The following STX11 variants were observed in gnomAD, a reference collection of about 807,000 sequenced individuals.
STX11 encodes the protein syntaxin-11.
A neutral mutation model predicts 19.9 loss-of-function variants in STX11; 21 were observed. The ratio of observed to expected loss-of-function variants is 1.06; its 90% CI spans 0.75 to 1.52. The LOEUF (loss-of-function observed/expected upper bound fraction) is 1.52, where lower values mean the gene tolerates loss of function less well. Ranked by LOEUF, STX11 falls within the 40% of genes most tolerant of loss-of-function variation. The probability of loss-of-function intolerance (pLI) is 0.00; values close to 1 mark genes in which losing one functional copy is unlikely to be tolerated. For missense variants in STX11, 438 were observed against 405.9 expected, an observed-to-expected ratio of 1.08 and a Z score of -0.68; for synonymous variants, 193 against 174.4, an observed-to-expected ratio of 1.11 and a Z score of -0.84.
chr6:144,155,423 T>G lies in STX11; in HGVS notation c.-6+4720T>G, dbSNP rs1269891130. On this transcript the variant is annotated intron_variant, in intron 1 of 1. Coordinates refer to ENST00000367568, the MANE Select transcript of STX11 (RefSeq NM_003764.4). This position sits in a 1 kb window ranked among gnomAD's most constrained non-coding sequence, Gnocchi z 4.5. The stretch of plus-strand genomic sequence containing the variant: ...TCCACACATGCATTGAATGTTTTGT[T>G]CAGCATTTCTTCAGATTCATTGGGA... 6.6e-6 allele frequency among the ~76,000 whole-genome samples: 1 copy of G among 152,204 alleles called. No homozygotes were observed. Among genetic ancestry groups the G allele is most frequent in the South Asian group, 2.1e-4 (1 of 4,834 alleles).
intron 1 of STX11, among the ~76,000 whole-genome samples, 165 bp downstream of exon 1, chr6:144,150,868 C>G (rs1404243394): frequency 2.0e-5 from 3 of 152,186 alleles, no homozygotes; most frequent in Admixed American, 2.0e-4. Context: ...CACGCCGCCT[C>G]TGGGCACCTT....
chr6:144,149,538 G>A (rs1239661850), upstream of STX11, among the ~76,000 whole-genome samples: 1 of 152,078 alleles, frequency 6.6e-6, no homozygotes, highest in Non-Finnish European at 1.5e-5. This position sits in a 1 kb window ranked among gnomAD's most constrained non-coding sequence, Gnocchi z 5.1. Context: ...GTACAGTGGC[G>A]CGATCTCGGC....
rs562463156 is a variant in STX11, at chr6:144,155,948, T to G, written c.-6+5245T>G. On this transcript the variant is annotated intron_variant, in intron 1 of 1. Transcript: ENST00000367568. The surrounding 1 kb of genome is among the most constrained non-coding windows in gnomAD (Gnocchi z 4.5). ...ATGTGTTTTAAAATTTAATCTTTCT[T>G]TCTTTCTTTCTTTCTTTCTTTCTTT... Among the ~76,000 whole-genome samples, 1 of 26,456 alleles carries G rather than the reference T, an allele frequency of 3.8e-5. No homozygotes were observed. Among genetic ancestry groups the G allele is most frequent in the Non-Finnish European group, 7.4e-5 (1 of 13,436 alleles). 17.4% of individuals were successfully genotyped at this position (26,456 alleles called of 152,430 possible).
Position 144,184,712 on chromosome 6 carries a change from CT to C in STX11, c.-5-1910del, listed in dbSNP as rs1801984825. On this transcript the variant is annotated intron_variant, in intron 1 of 1. Transcript: ENST00000367568. This position sits in a 1 kb window ranked among gnomAD's most constrained non-coding sequence, Gnocchi z 6.5. ...TAATGGCAGTACCTACTCATAGAATCTGTATGAAGACTAAAGAGGGTATCAC... is the reference window on the plus strand; with the variant it reads ...TAATGGCAGTACCTACTCATAGAATCGTATGAAGACTAAAGAGGGTATCAC... Among the ~76,000 whole-genome samples, 1 of 152,124 alleles carries C rather than the reference CT, an allele frequency of 6.6e-6. No individual in the cohort carries two copies. Among genetic ancestry groups the C allele is most frequent in the East Asian group, 1.9e-4 (1 of 5,192 alleles).
rs1359476619 is a variant in STX11 at position 144,191,112 on chromosome 6, AGCT to A, written c.*3623_*3625del. On this transcript the variant is annotated 3_prime_UTR_variant, in exon 2 of 2. Coordinates refer to ENST00000367568, the MANE Select transcript of STX11 (RefSeq NM_003764.4). ...CACAAAGAACAATAGATCCTTCAGG[AGCT>A]GAAGGTAAGAATCTTTTATAGCTAT... Among the ~76,000 whole-genome samples, 3 of 151,750 alleles carry A rather than the reference AGCT, an allele frequency of 2.0e-5. No individual in the cohort carries two copies. The highest frequency in any genetic ancestry group is 4.4e-5 in the Non-Finnish European group (3 of 67,972).
chr6:144,144,057 G>C, the STX11 span, among the ~76,000 whole-genome samples: 2 of 152,280 alleles, frequency 1.3e-5, no homozygotes, highest in African/African-American at 2.4e-5. Context: ...GGCTGTATCA[G>C]GGCCTTCAAC....
In STX11 at chr6:144,162,846, G is replaced by A. The variant is rs1189506292; in HGVS notation, c.-6+12143G>A. On this transcript the variant is annotated intron_variant, in intron 1 of 1. Transcript: ENST00000367568. The surrounding 1 kb of genome is among the most constrained non-coding windows in gnomAD (Gnocchi z 4.6). ...ATCTTCTTGTTGATATTCATAGAAA[G>A]TGTGTATGTTTACCAACATGAGTGA... 1.3e-5 allele frequency among the ~76,000 whole-genome samples: 2 copies of A among 152,180 alleles called. No individual in the cohort carries two copies. Among genetic ancestry groups the A allele is most frequent in the African/African-American group, 4.8e-5 (2 of 41,426 alleles).
chr6:144,161,204 G>T (rs1280863110), intron 1 of STX11, among the ~76,000 whole-genome samples: 2 of 152,142 alleles, frequency 1.3e-5, no homozygotes, highest in Non-Finnish European at 2.9e-5. Context: ...AAGCAATGAT[G>T]GCAGAATGGA....
intron 1 of STX11, among the ~76,000 whole-genome samples, chr6:144,186,047 CTTT>C (rs1158962460): frequency 1.4e-5 from 2 of 140,952 alleles, no homozygotes; most frequent in Admixed American, 6.8e-5. Flanking sequence ...CTTTCTTCTT[CTTT>C]TTTCTTTTTT....
At chr6:144,148,447 CTTTCT>C (rs1800918667), upstream of STX11, among the ~76,000 whole-genome samples, 1 of 152,184 alleles carries the variant, frequency 6.6e-6, no homozygotes, top group Non-Finnish European at 1.5e-5. Flanking sequence ...TCTTATTTTA[CTTTCT>C]TTTAAAATAA....
intron 1 of STX11, among the ~76,000 whole-genome samples, chr6:144,166,722 C>T (rs539308591): frequency 1.0e-3 from 154 of 152,070 alleles, no homozygotes; most frequent in African/African-American, 3.7e-3. Flanking sequence ...CCCGGGATTT[C>T]ACCACGTTGG....
In STX11 at chr6:144,182,823, G is replaced by A. The variant is rs2208736; in HGVS notation, c.-5-3800G>A. Among the ~76,000 whole-genome samples, 11,625 of 152,128 alleles carry A rather than the reference G, an allele frequency of 0.076. 1,494 individuals carry two copies. The highest frequency in any genetic ancestry group is 0.26 in the African/African-American group (10,971 of 41,416). On this transcript the variant is annotated intron_variant, in intron 1 of 1. Transcript: ENST00000367568. This position sits in a 1 kb window ranked among gnomAD's most constrained non-coding sequence, Gnocchi z 4.8. Reference sequence around the variant, plus strand: ...GTGCCTTGTAAGGCTTGGCCAACATGTAAGGAAGGAAGGCATCTCTCACCT... The same window carrying A: ...GTGCCTTGTAAGGCTTGGCCAACATATAAGGAAGGAAGGCATCTCTCACCT...
rs886061139 is a variant in STX11, at chr6:144,150,569, C to T, written c.-140C>T. The T allele has an allele frequency of 8.1e-6, 8 of 985,320 alleles. No homozygotes were observed. The South Asian group carries it at 2.3e-4, about 29-fold the overall frequency. The allele number at this position is 985,320 out of a possible 1,614,324, so 61.0% of individuals were successfully genotyped here. A position where few individuals can be genotyped will look rare whatever the true frequency, so the allele number is the denominator to read the frequency against. ...GGGCGGCCGTGGAGGAACTCAGCCT[C>T]GGCCGCAGGAGGCGCCGGGAGCGGA... On this transcript the variant is annotated 5_prime_UTR_variant, in exon 1 of 2. Coordinates refer to ENST00000367568, the MANE Select transcript of STX11 (RefSeq NM_003764.4).
intron 1 of STX11, among the ~76,000 whole-genome samples, chr6:144,168,252 G>A (rs569687135): frequency 1.3e-5 from 2 of 152,186 alleles, no homozygotes; most frequent in African/African-American, 4.8e-5. Context: ...AGAGTCATCT[G>A]CCTCATTAAC....
chr6:144,169,821 G>A lies in STX11; in HGVS notation c.-5-16802G>A, dbSNP rs1463923507. ...TGACCTCATCCTCTTGAGTAGCTAGGACTACAGGCACACACCACCACACCT... is the reference window on the plus strand; with the variant it reads ...TGACCTCATCCTCTTGAGTAGCTAGAACTACAGGCACACACCACCACACCT... On this transcript the variant is annotated intron_variant, in intron 1 of 1. Coordinates refer to ENST00000367568, the MANE Select transcript of STX11 (RefSeq NM_003764.4). This position sits in a 1 kb window ranked among gnomAD's most constrained non-coding sequence, Gnocchi z 5.2. 6.6e-6 allele frequency among the ~76,000 whole-genome samples: 1 copy of A among 151,992 alleles called. No individual in the cohort carries two copies. The highest frequency in any genetic ancestry group is 1.5e-5 in the Non-Finnish European group (1 of 68,010).
intron 1 of STX11, among the ~76,000 whole-genome samples, chr6:144,178,839 CT>C (rs571217730): frequency 8.5e-4 from 126 of 147,914 alleles, no homozygotes; most frequent in Admixed American, 1.1e-3. Flanking sequence ...ACGATACAAG[CT>C]TTTTTTTTTT....
In STX11 at chr6:144,190,645, C is replaced by T. The variant is rs961546722; in HGVS notation, c.*3154C>T. Among the ~76,000 whole-genome samples, 3 of 151,322 alleles carry T rather than the reference C, an allele frequency of 2.0e-5. No homozygotes were observed. Among genetic ancestry groups the T allele is most frequent in the Non-Finnish European group, 1.5e-5 (1 of 67,906 alleles). ...ATGGCATTTCTATCCCTGTGTATATCCAAACATGTCCTGAAGAAGAAATGA... is the reference window on the plus strand; with the variant it reads ...ATGGCATTTCTATCCCTGTGTATATTCAAACATGTCCTGAAGAAGAAATGA... On this transcript the variant is annotated 3_prime_UTR_variant, in exon 2 of 2. Coordinates refer to ENST00000367568, the MANE Select transcript of STX11 (RefSeq NM_003764.4).
chr6:144,157,443 A>G (rs1181658973), intron 1 of STX11, among the ~76,000 whole-genome samples: 2 of 152,142 alleles, frequency 1.3e-5, no homozygotes, highest in Non-Finnish European at 2.9e-5. Context: ...CCAGAAGGGG[A>G]TCTGGATACC....
rs1179242009 is a variant in STX11 at position 144,177,509 on chromosome 6, G to A, written c.-5-9114G>A. On this transcript the variant is annotated intron_variant, in intron 1 of 1. Coordinates refer to ENST00000367568, the MANE Select transcript of STX11 (RefSeq NM_003764.4). The surrounding 1 kb of genome is among the most constrained non-coding windows in gnomAD (Gnocchi z 4.4). ...CACGCCTGTAATCCCAGCACTTTGG[G>A]AGGCTGAGGCAGGCGGATCACAAGG... Among the ~76,000 whole-genome samples, 5 of 152,230 alleles carry A rather than the reference G, an allele frequency of 3.3e-5. No individual in the cohort carries two copies. Among genetic ancestry groups the A allele is most frequent in the Admixed American group, 2.0e-4 (3 of 15,286 alleles).
Sources: allele counts gnomAD v4.1 joint callset (sites outside exome capture counted in the v4.1 genomes callset), GRCh38; gene constraint gnomAD v4.1.1; non-coding constraint Gnocchi (gnomAD v3.1); transcripts MANE v1.5; gene names NCBI Gene and HGNC (gene_info 2026-07-23, HGNC 2026-07-21).